CDK15: variants seen among roughly 807,000 people sequenced by gnomAD.
The protein encoded by CDK15 is cyclin-dependent kinase 15.
CDK15 carries 62 observed loss-of-function variants against 60.3 expected under a neutral mutation model. The observed-to-expected ratio is 1.03, with a 90% confidence interval of 0.84 to 1.27. The LOEUF (loss-of-function observed/expected upper bound fraction) is 1.27. Ranked by LOEUF, CDK15 falls within the 50% of genes most tolerant of loss-of-function variation. The pLI, the probability that CDK15 is intolerant of heterozygous loss-of-function variation, is 0.00. For missense variants in CDK15, 541 were observed against 527.8 expected (o/e 1.03, Z -0.25); for synonymous variants, 194 against 195.7 (o/e 0.99, Z 0.07).
At chr2:201,860,429 C>A (rs1438373002) in intron 10 of CDK15, among the ~76,000 whole-genome samples, 1 of 152,168 alleles carries the variant, frequency 6.6e-6, no homozygotes, top group Non-Finnish European at 1.5e-5. Context: ...GATGCTTGTT[C>A]CCATAAAGAA....
At chr2:201,845,194 T>C (rs186821073) in intron 8 of CDK15, among the ~76,000 whole-genome samples, 2 of 152,196 alleles carry the variant, frequency 1.3e-5, no homozygotes, top group East Asian at 3.9e-4. Context: ...AACCTGTTGC[T>C]TGCTGGAGGA....
chr2:201,871,952 A>G (rs1229386573), intron 10 of CDK15, among the ~76,000 whole-genome samples: 2 of 152,048 alleles, frequency 1.3e-5, no homozygotes, highest in African/African-American at 4.8e-5. Flanking sequence ...GTCAAATTGC[A>G]TTAGGGCCCA....
intron 6 of CDK15, 73 bp downstream of exon 6, chr2:201,823,800 C>G (rs1696340545): frequency 7.8e-7 from 1 of 1,275,672 alleles, no homozygotes; most frequent in Non-Finnish European, 1.1e-6. Context: ...GACTGTCTCA[C>G]AAAGCAAAGT....
chr2:201,837,445 GGAAA>G (rs1697166648), intron 8 of CDK15, among the ~76,000 whole-genome samples: 1 of 90,422 alleles, frequency 1.1e-5, no homozygotes, highest in Non-Finnish European at 2.3e-5. Flanking sequence ...AAGGAAGGAA[GGAAA>G]GGAAGGAAGG....
chr2:201,821,362 G>A (rs539457496), intron 4 of CDK15, among the ~76,000 whole-genome samples: 42 of 152,136 alleles, frequency 2.8e-4, no homozygotes, highest in Admixed American at 1.0e-3. Flanking sequence ...GGAAGAAGAC[G>A]GTTGTTTTTC....
chr2:201,823,654 G>A lies in CDK15; in HGVS notation c.544-11G>A. ...ATTCACTCACTTCTCTTTCTCCGCT[G>A]TTTTATTTAGCACACAGACCTGGCC... is the stretch of plus-strand genomic sequence containing the variant. On this transcript the variant is annotated splice_polypyrimidine_tract_variant and intron_variant, in intron 5 of 13. Coordinates refer to ENST00000652192, the MANE Select transcript of CDK15 (RefSeq NM_001366386.2). 2 of 1,613,154 alleles carry A rather than the reference G, an allele frequency of 1.2e-6. No homozygotes were observed. Among genetic ancestry groups the A allele is most frequent in the Non-Finnish European group, 1.7e-6 (2 of 1,179,290 alleles).
intron 10 of CDK15, among the ~76,000 whole-genome samples, chr2:201,863,281 T>C (rs562400322): frequency 1.3e-5 from 2 of 152,284 alleles, no homozygotes; most frequent in East Asian, 3.9e-4. Context: ...GAGTAGATGA[T>C]CTTAAAGTAA....
chr2:201,866,010 A>ATGTGTGTGTGTGTGTG (rs72270010), intron 10 of CDK15, among the ~76,000 whole-genome samples: 22 of 139,638 alleles, frequency 1.6e-4, no homozygotes, highest in African/African-American at 5.7e-4. Flanking sequence ...ACATGAGTGA[A>ATGTGTGTGTGTGTGTG]TGTGTGTGTG....
At chr2:201,860,857 A>G in intron 10 of CDK15, 1 of 1,352,090 alleles carries the variant, frequency 7.4e-7, no homozygotes, top group Non-Finnish European at 9.8e-7. Context: ...TGAGAGCTTC[A>G]CTGCGTCTGA....
Position 201,806,642 on chromosome 2 carries a change from T to A in CDK15, c.-23T>A. On this transcript the variant is annotated 5_prime_UTR_variant, in exon 1 of 14. Coordinates refer to ENST00000652192, the MANE Select transcript of CDK15 (RefSeq NM_001366386.2). Reference sequence around the variant, plus strand: ...GTGGGGGAAAGGTTCAAGTGCGGGTTTTCTCCTTGAACCTACAAGATTATG... The same window carrying A: ...GTGGGGGAAAGGTTCAAGTGCGGGTATTCTCCTTGAACCTACAAGATTATG... 6.4e-7 allele frequency: 1 copy of A among 1,564,616 alleles called. No individual in the cohort carries two copies.
chr2:201,885,606 T>C (rs1033316251), intron 12 of CDK15, among the ~76,000 whole-genome samples: 1 of 152,192 alleles, frequency 6.6e-6, no homozygotes, highest in Non-Finnish European at 1.5e-5. Context: ...TGCATAGCAT[T>C]GTGTTGCTGG....
chr2:201,873,017 A>G (rs1332270821), intron 11 of CDK15, among the ~76,000 whole-genome samples: 1 of 152,218 alleles, frequency 6.6e-6, no homozygotes, highest in Non-Finnish European at 1.5e-5. Flanking sequence ...CTCAAATGTC[A>G]GAGAAAAACA....
intron 4 of CDK15, among the ~76,000 whole-genome samples, 183 bp from the exon 5 acceptor site, chr2:201,822,626 T>A (rs561078411): frequency 6.6e-6 from 1 of 152,356 alleles, no homozygotes; most frequent in Admixed American, 6.5e-5. Context: ...GATTTGCCAT[T>A]TTTGAAATAA....
At position 201,810,251 on chromosome 2, in the gene CDK15, G is replaced by A. The variant is rs58954273; in HGVS notation, c.369-2232G>A. Among the ~76,000 whole-genome samples, 465 of 151,818 alleles carry A rather than the reference G, an allele frequency of 3.1e-3. 6 individuals are homozygous for A. Among genetic ancestry groups the A allele is most frequent in the African/African-American group, 0.011 (454 of 41,370 alleles). Reference sequence around the variant, plus strand: ...TGCAAAATAGTTCAATAAAAAGGTGGGCAAATCGGCAAATCACAAGAAAAA... The same window carrying A: ...TGCAAAATAGTTCAATAAAAAGGTGAGCAAATCGGCAAATCACAAGAAAAA... On this transcript the variant is annotated intron_variant, in intron 3 of 13. Transcript: ENST00000652192.
At chr2:201,883,755 G>A (rs1197560266) in intron 12 of CDK15, among the ~76,000 whole-genome samples, 1 of 152,206 alleles carries the variant, frequency 6.6e-6, no homozygotes, top group African/African-American at 2.4e-5. Context: ...TCAGACACCG[G>A]CTTATGGCCA....
intron 10 of CDK15, among the ~76,000 whole-genome samples, chr2:201,867,836 G>A (rs1475219734): frequency 6.6e-6 from 1 of 152,114 alleles, no homozygotes; most frequent in East Asian, 1.9e-4. Context: ...CACTTACTGA[G>A]CCCCTACGAC....
intron 12 of CDK15, among the ~76,000 whole-genome samples, chr2:201,886,445 C>A (rs2105841581): frequency 6.6e-6 from 1 of 152,096 alleles, no homozygotes; most frequent in East Asian, 1.9e-4. Context: ...CCCGCCTCAG[C>A]CTCCCGAGTA....
intron 3 of CDK15, among the ~76,000 whole-genome samples, 185 bp downstream of exon 3, chr2:201,808,137 G>A (rs1196782748): frequency 6.6e-6 from 1 of 152,140 alleles, no homozygotes; most frequent in Non-Finnish European, 1.5e-5. Flanking sequence ...AACCTGCCCT[G>A]CCCTAATTAA....
In CDK15 at chr2:201,812,417, C is replaced by T. The variant is rs564657270; in HGVS notation, c.369-66C>T. On this transcript the variant is annotated intron_variant, in intron 3 of 13. Transcript: ENST00000652192. Reference sequence around the variant, plus strand: ...AGTGAAAGTGCTTTTGTTAAGCCATCTTTGGTATAAATTGCTGCTTTGAAC... The same window carrying T: ...AGTGAAAGTGCTTTTGTTAAGCCATTTTTGGTATAAATTGCTGCTTTGAAC... The T allele has an allele frequency of 1.3e-5, 13 of 964,552 alleles. No homozygotes were observed. In the South Asian group the frequency reaches 1.8e-4, roughly 13 times the overall value. 59.7% of individuals were successfully genotyped at this position (964,552 alleles called of 1,614,324 possible).
Sources: gnomAD v4.1 joint callset for allele counts (sites outside exome capture counted in the v4.1 genomes callset) on GRCh38, gnomAD v4.1.1 for gene constraint, MANE v1.5 for transcripts, NCBI Gene and HGNC (gene_info 2026-07-23, HGNC 2026-07-21) for gene names.